The following EEFSEC variants were observed in gnomAD, a reference collection of about 807,000 sequenced individuals.
EEFSEC encodes eukaryotic elongation factor, selenocysteine-tRNA specific.
EEFSEC carries 43 observed loss-of-function variants against 42.1 expected under a neutral mutation model. That is an observed-to-expected ratio of 1.02 (90% CI 0.80 to 1.32). The LOEUF (loss-of-function observed/expected upper bound fraction) is 1.32, where lower values mean the gene tolerates loss of function less well. Among genes scored for constraint, EEFSEC ranks in the 40% most tolerant of loss-of-function variants. The probability of loss-of-function intolerance (pLI) is 0.00; values close to 1 mark genes in which losing one functional copy is unlikely to be tolerated. For synonymous variants in EEFSEC, 354 were observed against 339.1 expected (o/e 1.04, Z -0.48); for missense variants, 745 against 803.6 (o/e 0.93, Z 0.88).
At chr3:128,400,295 A>G (rs1011048684) in intron 6 of EEFSEC, among the ~76,000 whole-genome samples, 3 of 151,960 alleles carry the variant, frequency 2.0e-5, no homozygotes, top group African/African-American at 7.3e-5. Context: ...ACAGGGCTCC[A>G]CCCCAGCTGC....
At chr3:128,327,987 G>A (rs564808146) in intron 4 of EEFSEC, among the ~76,000 whole-genome samples, 12 of 152,324 alleles carry the variant, frequency 7.9e-5, no homozygotes, top group Admixed American at 5.2e-4. Context: ...GGCTTGAACC[G>A]TGAACAAGGG....
intron 6 of EEFSEC, among the ~76,000 whole-genome samples, chr3:128,392,943 T>G (rs2067933478): frequency 6.6e-6 from 1 of 152,168 alleles, no homozygotes; most frequent in African/African-American, 2.4e-5. Flanking sequence ...TGGCCCTGGT[T>G]TCCCTTGGTT....
chr3:128,276,436 G>A (rs564969057), intron 4 of EEFSEC, among the ~76,000 whole-genome samples: 37 of 152,162 alleles, frequency 2.4e-4, no homozygotes, highest in Non-Finnish European at 5.3e-4. Context: ...CTCACGTCCT[G>A]CCCCTGATTT....
rs553531575 is a variant in EEFSEC at position 128,299,197 on chromosome 3, G to A, written c.786+34416G>A. 8.5e-5 allele frequency among the ~76,000 whole-genome samples: 13 copies of A among 152,184 alleles called. 1 individual carries two copies. In the South Asian group the frequency reaches 2.7e-3, roughly 32 times the overall value. On this transcript the variant is annotated intron_variant, in intron 4 of 6. Transcript: ENST00000254730. The stretch of plus-strand genomic sequence containing the variant: ...CTAAATTCCCACCAACAGTGTACTA[G>A]CATTCCCCTTTCTCCACATCCTCAC...
intron 6 of EEFSEC, among the ~76,000 whole-genome samples, chr3:128,402,943 G>T (rs924713032): frequency 1.3e-4 from 20 of 152,194 alleles, no homozygotes; most frequent in African/African-American, 4.8e-4. Flanking sequence ...GGTGGAGCTT[G>T]TCATTTCAGC....
chr3:128,251,457 T>C (rs980015032), intron 2 of EEFSEC, among the ~76,000 whole-genome samples: 3 of 152,254 alleles, frequency 2.0e-5, no homozygotes, highest in Non-Finnish European at 4.4e-5. Context: ...CTTTGGTTTA[T>C]AATTTTAAAC....
chr3:128,207,246 T>TC (rs890527298), intron 1 of EEFSEC, among the ~76,000 whole-genome samples: 1 of 111,802 alleles, frequency 8.9e-6, no homozygotes, highest in African/African-American at 3.4e-5. Flanking sequence ...TCTCTTTCCC[T>TC]CCCCCCTCCC....
At chr3:128,176,219 A>G (rs2065346635) in intron 1 of EEFSEC, among the ~76,000 whole-genome samples, 1 of 151,842 alleles carries the variant, frequency 6.6e-6, no homozygotes, top group Admixed American at 6.6e-5. Context: ...GGCTAGATGG[A>G]TGGTCTCTGA....
At chr3:128,406,102 G>A (rs578092169) in intron 6 of EEFSEC, among the ~76,000 whole-genome samples, 1 of 152,296 alleles carries the variant, frequency 6.6e-6, no homozygotes, top group East Asian at 1.9e-4. Flanking sequence ...CTTACACTGA[G>A]GTGCTCTGCC....
intron 6 of EEFSEC, among the ~76,000 whole-genome samples, chr3:128,391,073 C>T (rs741925): frequency 0.12 from 18,150 of 152,342 alleles, 1,206 homozygotes; most frequent in South Asian, 0.2. Flanking sequence ...CTGTCTCCCA[C>T]CAGAACGCCC....
At chr3:128,325,400 AG>A (rs1482327345) in intron 4 of EEFSEC, among the ~76,000 whole-genome samples, 1 of 152,126 alleles carries the variant, frequency 6.6e-6, no homozygotes, top group African/African-American at 2.4e-5. Flanking sequence ...TTACCAGCTG[AG>A]GGGCCTTGGG....
chr3:128,360,627 T>C (rs2067513482), intron 6 of EEFSEC, among the ~76,000 whole-genome samples: 1 of 146,336 alleles, frequency 6.8e-6, no homozygotes, highest in Non-Finnish European at 1.5e-5. Context: ...GTTGGGCTGC[T>C]GGGGTGGGAG....
rs961019944 is a variant in EEFSEC at position 128,194,895 on chromosome 3, AT to A, written c.316+41080del. On this transcript the variant is annotated intron_variant, in intron 1 of 6. Transcript: ENST00000254730. Reference sequence around the variant, plus strand: ...GACTTTTAATTTCCTTTTATAAAGAATTTTTTTTCCCCAAGGCTTTTTCTTT... The same window carrying A: ...GACTTTTAATTTCCTTTTATAAAGAATTTTTTTCCCCAAGGCTTTTTCTTT... Among the ~76,000 whole-genome samples the A allele has an allele frequency of 7.2e-5, 11 of 152,214 alleles. No individual in the cohort carries two copies. The South Asian group carries it at 1.9e-3, about 26-fold the overall frequency.
intron 6 of EEFSEC, among the ~76,000 whole-genome samples, chr3:128,362,792 G>A (rs915962566): frequency 1.3e-5 from 2 of 152,174 alleles, no homozygotes; most frequent in African/African-American, 2.4e-5. Context: ...CCACAGCCGC[G>A]GCCTCATCCT....
intron 6 of EEFSEC, among the ~76,000 whole-genome samples, chr3:128,372,122 C>T (rs951427002): frequency 3.9e-5 from 6 of 152,186 alleles, no homozygotes; most frequent in Non-Finnish European, 7.3e-5. Context: ...GTTATCCTAC[C>T]TAAATAAAGT....
At chr3:128,372,723 G>T (rs2067668626) in intron 6 of EEFSEC, among the ~76,000 whole-genome samples, 1 of 152,204 alleles carries the variant, frequency 6.6e-6, no homozygotes, top group Non-Finnish European at 1.5e-5. Context: ...ACCCCCTGAG[G>T]TGGGCACTAT....
At chr3:128,411,985 G>C (rs941279513), downstream of EEFSEC, among the ~76,000 whole-genome samples, 2 of 152,238 alleles carry the variant, frequency 1.3e-5, no homozygotes, top group Non-Finnish European at 2.9e-5. Context: ...CATGTGCTCC[G>C]TGTGTGTTTT....
downstream of EEFSEC, among the ~76,000 whole-genome samples, chr3:128,411,204 G>A (rs1283348759): frequency 6.6e-6 from 1 of 152,254 alleles, no homozygotes; most frequent in Non-Finnish European, 1.5e-5. Context: ...GTGTGGGCAT[G>A]CACGTCCCCT....
chr3:128,310,518 GGAGGCCCACAGA>G (rs1342151436), intron 4 of EEFSEC, among the ~76,000 whole-genome samples: 9 of 152,216 alleles, frequency 5.9e-5, no homozygotes, highest in Non-Finnish European at 1.3e-4. Context: ...CACACTTACA[GGAGGCCCACAGA>G]GAGAGTCATG....
Sources: allele counts gnomAD v4.1 joint callset (sites outside exome capture counted in the v4.1 genomes callset), GRCh38; gene constraint gnomAD v4.1.1; transcripts MANE v1.5; gene names NCBI Gene and HGNC (gene_info 2026-07-23, HGNC 2026-07-21).